The following CCNY variants were observed in gnomAD, a reference collection of about 807,000 sequenced individuals.
CCNY encodes cyclin Y, also known as cyclin-Y.
In CCNY, 19 loss-of-function variants were observed where a neutral mutation model predicts 42.8. The ratio of observed to expected loss-of-function variants is 0.44; its 90% CI spans 0.31 to 0.65. The LOEUF is 0.65. CCNY is among the 30% of genes least tolerant of loss of function. The probability of loss-of-function intolerance (pLI) is 0.07; values close to 1 mark genes in which losing one functional copy is unlikely to be tolerated. For synonymous variants in CCNY, 165 were observed against 162.7 expected (o/e 1.01, Z -0.11); for missense variants, 370 against 437.3 (o/e 0.85, Z 1.37).
chr10:35,326,495 C>T (rs1307568189), intron 3 of CCNY, among the ~76,000 whole-genome samples: 7 of 152,206 alleles, frequency 4.6e-5, no homozygotes, highest in East Asian at 1.9e-4. Context: ...GAAGCTAACA[C>T]GTTCAGTGCC....
intron 1 of CCNY, chr10:35,347,412 T>G (rs1018513875): frequency 1.0e-6 from 1 of 982,192 alleles, no homozygotes; most frequent in Non-Finnish European, 1.2e-6. Context: ...TGCCTCTGAT[T>G]ATAGACCTTC....
Position 35,304,450 on chromosome 10 carries a change from C to T in CCNY, c.-9+53824C>T. On this transcript the variant is annotated intron_variant, in intron 3 of 11. Transcript: ENST00000374706. ...TCAGCCTCCCAAGTAGCTGGGACTA[C>T]AGGCGCCCGCCACTACGCCCGGCTA... is the stretch of plus-strand genomic sequence containing the variant. Among the ~76,000 whole-genome samples the T allele has an allele frequency of 1.9e-5, 2 of 106,640 alleles. 1 individual carries two copies. Among genetic ancestry groups the T allele is most frequent in the Non-Finnish European group, 3.7e-5 (2 of 54,666 alleles). 70.0% of individuals were successfully genotyped at this position (106,640 alleles called of 152,430 possible). A position where few individuals can be genotyped will look rare whatever the true frequency, so the allele number is the denominator to read the frequency against.
At chr10:35,263,503 C>T (rs6481950) in intron 3 of CCNY, among the ~76,000 whole-genome samples, 52,812 of 150,996 alleles carry the variant, frequency 0.35, 9,879 homozygotes, top group African/African-American at 0.5. Context: ...ATGGTGTCAC[C>T]GTACTCCAGC....
intron 1 of CCNY, among the ~76,000 whole-genome samples, chr10:35,433,876 C>A (rs1327857375): frequency 6.6e-6 from 1 of 152,190 alleles, no homozygotes; most frequent in African/African-American, 2.4e-5. Flanking sequence ...CCTCAAAGTG[C>A]TAGGATTACA....
chr10:35,458,205 C>T (rs975106163), intron 1 of CCNY, among the ~76,000 whole-genome samples: 48 of 152,142 alleles, frequency 3.2e-4, no homozygotes, highest in Non-Finnish European at 6.9e-4. Flanking sequence ...TCCCAAGGAC[C>T]CCACCCATTG....
chr10:35,534,179 G>C (rs967886697), intron 7 of CCNY, among the ~76,000 whole-genome samples: 1 of 152,000 alleles, frequency 6.6e-6, no homozygotes, highest in Non-Finnish European at 1.5e-5. Flanking sequence ...GCGCCACCAT[G>C]CCCTGCTAAT....
chr10:35,255,533 G>C (rs1048365763), intron 3 of CCNY, among the ~76,000 whole-genome samples: 3 of 151,704 alleles, frequency 2.0e-5, no homozygotes, highest in African/African-American at 7.3e-5. Context: ...TCTGACCTCA[G>C]GTGATCCACC....
intron 3 of CCNY, among the ~76,000 whole-genome samples, chr10:35,324,595 C>T (rs558291594): frequency 2.2e-4 from 34 of 152,280 alleles, no homozygotes; most frequent in African/African-American, 6.3e-4. Context: ...ATAAACAAGA[C>T]ACCCAGTAAT....
At chr10:35,445,276 G>T (rs113447970) in intron 1 of CCNY, among the ~76,000 whole-genome samples, 3 of 152,158 alleles carry the variant, frequency 2.0e-5, no homozygotes, top group Admixed American at 6.5e-5. Context: ...CCATGCTGCC[G>T]CCCTGCTCTT....
chr10:35,408,471 G>A (rs1286065948), intron 1 of CCNY, among the ~76,000 whole-genome samples: 1 of 151,628 alleles, frequency 6.6e-6, no homozygotes, highest in Non-Finnish European at 1.5e-5. Context: ...GCAATGTTTT[G>A]GGGGCAGGGG....
At chr10:35,486,595 C>T (rs1472181669) in intron 2 of CCNY, among the ~76,000 whole-genome samples, 2 of 152,194 alleles carry the variant, frequency 1.3e-5, no homozygotes, top group Non-Finnish European at 2.9e-5. Flanking sequence ...GAATCAGATA[C>T]GATTGTGCCA....
At chr10:35,310,120 C>G (rs1439567944) in intron 3 of CCNY, among the ~76,000 whole-genome samples, 3 of 152,154 alleles carry the variant, frequency 2.0e-5, no homozygotes, top group Non-Finnish European at 2.9e-5. Flanking sequence ...ATTCTTTTCT[C>G]TAACTCCATG....
intron 1 of CCNY, among the ~76,000 whole-genome samples, chr10:35,442,678 T>C (rs1838699430): frequency 6.6e-6 from 1 of 152,124 alleles, no homozygotes; most frequent in African/African-American, 2.4e-5. Flanking sequence ...AGAGTATGAG[T>C]AATGAATTTG....
At chr10:35,527,885 G>A (rs1400600298) in intron 5 of CCNY, among the ~76,000 whole-genome samples, 2 of 152,224 alleles carry the variant, frequency 1.3e-5, no homozygotes, top group African/African-American at 4.8e-5. Context: ...GTGTGGTGCT[G>A]TTCAGTTGGG....
At position 35,372,985 on chromosome 10, in the gene CCNY, A is replaced by C. The variant is rs542723161; in HGVS notation, c.154+35778A>C. Among the ~76,000 whole-genome samples the C allele has an allele frequency of 4.6e-5, 7 of 152,360 alleles. No individual in the cohort carries two copies. The East Asian group carries it at 1.3e-3, about 29-fold the overall frequency. The stretch of plus-strand genomic sequence containing the variant: ...AGTGCTGGGATTATAGGCATGAGGC[A>C]CCATGCCTGGCCAGTTGTGGTTATT... On this transcript the variant is annotated intron_variant, in intron 1 of 9. Transcript: ENST00000374704.
intron 1 of CCNY, among the ~76,000 whole-genome samples, chr10:35,405,308 G>A (rs78541633): frequency 0.046 from 7,019 of 152,212 alleles, 231 homozygotes; most frequent in Non-Finnish European, 0.066. Context: ...GGATGGTAAA[G>A]GGTGCATCAT....
intron 1 of CCNY, among the ~76,000 whole-genome samples, chr10:35,431,269 G>A (rs1838390351): frequency 6.7e-6 from 1 of 149,726 alleles, no homozygotes; most frequent in African/African-American, 2.5e-5. Context: ...CTTGATCTTG[G>A]AAGTGAAATT....
intron 7 of CCNY, among the ~76,000 whole-genome samples, chr10:35,542,447 C>G (rs1454880704): frequency 2.0e-5 from 3 of 152,078 alleles, no homozygotes; most frequent in Admixed American, 2.0e-4. Context: ...CACTCTTTTT[C>G]TCCACTTTCT....
intron 1 of CCNY, among the ~76,000 whole-genome samples, chr10:35,361,415 T>G (rs1385982465): frequency 6.6e-6 from 1 of 152,250 alleles, no homozygotes; most frequent in Non-Finnish European, 1.5e-5. Context: ...GTACTAATTA[T>G]ACTAGCATTA....
Sources: gnomAD v4.1 joint callset for allele counts (sites outside exome capture counted in the v4.1 genomes callset) on GRCh38, gnomAD v4.1.1 for gene constraint, MANE v1.5 for transcripts, NCBI Gene and HGNC (gene_info 2026-07-23, HGNC 2026-07-21) for gene names.